SUFU: variants seen among roughly 807,000 people sequenced by gnomAD.
The protein encoded by SUFU is suppressor of fused homolog.
A neutral mutation model predicts 58.9 loss-of-function variants in SUFU; 7 were observed. The ratio of observed to expected loss-of-function variants is 0.12; its 90% confidence interval spans 0.07 to 0.22. The LOEUF is 0.22. Among genes scored for constraint, SUFU ranks in the 10% least tolerant of loss-of-function variants. The probability of loss-of-function intolerance (pLI) is 1.00; values close to 1 mark genes in which losing one functional copy is unlikely to be tolerated. For missense variants in SUFU, 451 were observed against 641.3 expected (o/e 0.70, Z 3.20); for synonymous variants, 232 against 254.8 (o/e 0.91, Z 0.85).
intron 2 of SUFU, among the ~76,000 whole-genome samples, chr10:102,521,983 A>G (rs7894032): frequency 1 from 152,083 of 152,350 alleles, 75,909 homozygotes; most frequent in East Asian, 1. Flanking sequence ...AAATGATTCT[A>G]TAAATAACTG....
intron 3 of SUFU, among the ~76,000 whole-genome samples, chr10:102,584,251 G>A (rs531124537): frequency 1.3e-5 from 2 of 152,352 alleles, no homozygotes; most frequent in East Asian, 3.9e-4. Flanking sequence ...CTAAGCCAGG[G>A]TTTGCCAAAA....
intron 3 of SUFU, among the ~76,000 whole-genome samples, chr10:102,566,935 T>C (rs1412017796): frequency 7.1e-5 from 9 of 127,094 alleles, no homozygotes; most frequent in Non-Finnish European, 4.9e-5. Flanking sequence ...ACAGAGCGAC[T>C]CCATCTCAAA....
intron 3 of SUFU, among the ~76,000 whole-genome samples, chr10:102,551,192 G>GGAACACTACCA (rs2062911174): frequency 6.6e-6 from 1 of 152,204 alleles, no homozygotes; most frequent in African/African-American, 2.4e-5. Context: ...ACCATTGTAT[G>GGAACACTACCA]CCCTGTGGAA....
chr10:102,545,359 C>T (rs2062844656), intron 2 of SUFU, among the ~76,000 whole-genome samples: 1 of 146,194 alleles, frequency 6.8e-6, no homozygotes, highest in African/African-American at 2.5e-5. Flanking sequence ...GCCTCAAACT[C>T]CTCGGCTCAA....
chr10:102,582,192 A>G (rs921455290), intron 3 of SUFU, among the ~76,000 whole-genome samples: 1 of 152,168 alleles, frequency 6.6e-6, no homozygotes, highest in African/African-American at 2.4e-5. Context: ...CAGACCAAGC[A>G]TGTTAATTCT....
At chr10:102,562,032 G>A (rs1554848359) in intron 3 of SUFU, among the ~76,000 whole-genome samples, 1 of 152,136 alleles carries the variant, frequency 6.6e-6, no homozygotes, top group Non-Finnish European at 1.5e-5. Flanking sequence ...CATGCTTCCT[G>A]TCTCTGAAGT....
chr10:102,513,862 T>C (rs995913070), intron 2 of SUFU, among the ~76,000 whole-genome samples: 1 of 152,162 alleles, frequency 6.6e-6, no homozygotes, highest in African/African-American at 2.4e-5. Context: ...AGTTATCCTC[T>C]CCTTTTTTAA....
At chr10:102,548,173 A>G (rs1261418694) in intron 2 of SUFU, among the ~76,000 whole-genome samples, 1 of 149,466 alleles carries the variant, frequency 6.7e-6, no homozygotes, top group African/African-American at 2.5e-5. Context: ...CATAGATGAT[A>G]GAGAGATAGA....
In SUFU at chr10:102,545,322, C is replaced by T. The variant is rs578114597; in HGVS notation, c.318-4648C>T. On this transcript the variant is annotated intron_variant, in intron 2 of 11. Transcript: ENST00000369902. ...TTTTTTTTTTTTTTTTTTGTAGAAA[C>T]GGGGTTTGGCCATGTTGCCTAAGGT... is the stretch of plus-strand genomic sequence containing the variant. 3.1e-4 allele frequency among the ~76,000 whole-genome samples: 29 copies of T among 92,814 alleles called. No individual in the cohort carries two copies. In the East Asian group the frequency reaches 3.8e-3, roughly 12 times the overall value. The allele number at this position is 92,814 out of a possible 152,430, so 60.9% of individuals were successfully genotyped here. A position where few individuals can be genotyped will look rare whatever the true frequency, so the allele number is the denominator to read the frequency against.
intron 3 of SUFU, among the ~76,000 whole-genome samples, chr10:102,558,579 T>C (rs1227311947): frequency 3.3e-5 from 5 of 152,320 alleles, no homozygotes; most frequent in East Asian, 1.9e-4. Context: ...TGTCTGGCCA[T>C]GTGACCACCT....
intron 2 of SUFU, among the ~76,000 whole-genome samples, chr10:102,517,117 C>T (rs1371218701): frequency 1.4e-5 from 2 of 144,792 alleles, no homozygotes; most frequent in African/African-American, 5.1e-5. Context: ...GAGTGAAACT[C>T]CATCTCAAAA....
chr10:102,619,168 T>TGGCC lies in SUFU; in HGVS notation c.1296+1741_1296+1744dup. ...CCAATTTTCAGCAGCTCAAGAACCT[T>TGGCC]GGCCCCCACAGGACTTCGCAGATGT... On this transcript the variant is annotated intron_variant, in intron 10 of 11. Coordinates refer to ENST00000369902, the MANE Select transcript of SUFU (RefSeq NM_016169.4). This position sits in a 1 kb window ranked among gnomAD's most constrained non-coding sequence, Gnocchi z 4.2. 2 of 1,610,396 alleles carry TGGCC rather than the reference T, an allele frequency of 1.2e-6. No individual in the cohort carries two copies. Among genetic ancestry groups the TGGCC allele is most frequent in the Non-Finnish European group, 1.7e-6 (2 of 1,179,644 alleles).
chr10:102,565,915 AC>A (rs1380857126), intron 3 of SUFU, among the ~76,000 whole-genome samples: 11 of 152,080 alleles, frequency 7.2e-5, no homozygotes, highest in Admixed American at 1.3e-4. Context: ...TCATCTCTGG[AC>A]CCCTGTGGAG....
Position 102,619,777 on chromosome 10 carries a change from G to A in SUFU, c.1296+2349G>A, listed in dbSNP as rs983201174. 9.9e-5 allele frequency among the ~76,000 whole-genome samples: 15 copies of A among 152,188 alleles called. No homozygotes were observed. Among genetic ancestry groups the A allele is most frequent in the African/African-American group, 3.4e-4 (14 of 41,452 alleles). On this transcript the variant is annotated intron_variant, in intron 10 of 11. Coordinates refer to ENST00000369902, the MANE Select transcript of SUFU (RefSeq NM_016169.4). The surrounding 1 kb of genome is among the most constrained non-coding windows in gnomAD (Gnocchi z 4.2). The stretch of plus-strand genomic sequence containing the variant: ...GTGGTCACAGGCAGCTCCCTTGCTT[G>A]TGGGAACCTGGGCTTGTAATTACTT...
chr10:102,597,570 G>A (rs2063476322), intron 7 of SUFU, among the ~76,000 whole-genome samples: 1 of 152,246 alleles, frequency 6.6e-6, no homozygotes, highest in Non-Finnish European at 1.5e-5. Flanking sequence ...AGGTCATGGA[G>A]GTGAGTGGAA....
chr10:102,535,805 A>G (rs1170087509), intron 2 of SUFU, among the ~76,000 whole-genome samples: 1 of 152,168 alleles, frequency 6.6e-6, no homozygotes, highest in African/African-American at 2.4e-5. Flanking sequence ...CTCTCTTGCC[A>G]TGTCCTTGGC....
intron 2 of SUFU, among the ~76,000 whole-genome samples, chr10:102,541,008 C>G (rs947448734): frequency 1.3e-5 from 2 of 151,730 alleles, no homozygotes; most frequent in Admixed American, 1.3e-4. Context: ...GGTGACAGAG[C>G]AAGACTCCAT....
chr10:102,601,196 C>T (rs1028678008), intron 8 of SUFU, among the ~76,000 whole-genome samples: 2 of 152,168 alleles, frequency 1.3e-5, no homozygotes, highest in Admixed American at 1.3e-4. Flanking sequence ...CTTCTTGCCC[C>T]GCTTGTGTAT....
intron 3 of SUFU, chr10:102,573,218 G>T: frequency 1.4e-6 from 1 of 728,292 alleles, no homozygotes. Flanking sequence ...CTTTGCTTTC[G>T]GCACCGTCTT....
Sources: allele counts gnomAD v4.1 joint callset (sites outside exome capture counted in the v4.1 genomes callset), GRCh38; gene constraint gnomAD v4.1.1; non-coding constraint Gnocchi (gnomAD v3.1); transcripts MANE v1.5; gene names NCBI Gene and HGNC (gene_info 2026-07-23, HGNC 2026-07-21).